Variants in CDH12 observed in about 807,000 individuals in gnomAD.
CDH12 encodes the protein cadherin 12, also known as cadherin-12.
A neutral mutation model predicts 74.1 loss-of-function variants in CDH12; 41 were observed. The observed-to-expected ratio is 0.55, with a 90% confidence interval of 0.43 to 0.72. CDH12 has a LOEUF of 0.72. Among genes scored for constraint, CDH12 ranks in the 30% least tolerant of loss-of-function variants. CDH12 has a pLI of 0.00. For missense variants in CDH12, 945 were observed against 977.2 expected, an observed-to-expected ratio of 0.97 and a Z score of 0.44; for synonymous variants, 399 against 355.0, an observed-to-expected ratio of 1.12 and a Z score of -1.39.
intron 6 of CDH12, among the ~76,000 whole-genome samples, chr5:21,955,249 G>T (rs903078971): frequency 2.6e-5 from 4 of 151,716 alleles, no homozygotes; most frequent in African/African-American, 9.7e-5. Flanking sequence ...GTGGAGCTAA[G>T]TTGGTCTTAA....
intron 1 of CDH12, among the ~76,000 whole-genome samples, chr5:22,756,402 C>T (rs921363684): frequency 5.3e-5 from 8 of 152,042 alleles, no homozygotes; most frequent in African/African-American, 1.7e-4. Context: ...TTCATATAAA[C>T]TTAATGGTTA....
intron 3 of CDH12, among the ~76,000 whole-genome samples, chr5:22,227,846 A>G (rs548159521): frequency 1.3e-5 from 2 of 152,230 alleles, no homozygotes; most frequent in African/African-American, 4.8e-5. Flanking sequence ...AGTAATTCCA[A>G]TGTGGCGACA....
intron 2 of CDH12, among the ~76,000 whole-genome samples, chr5:22,452,630 A>G (rs1023293572): frequency 2.6e-5 from 4 of 152,010 alleles, no homozygotes; most frequent in African/African-American, 7.2e-5. Context: ...AGAAGAAAAC[A>G]TGGGAGAAAT....
At chr5:22,258,866 G>A (rs1193053553) in intron 3 of CDH12, among the ~76,000 whole-genome samples, 1 of 152,066 alleles carries the variant, frequency 6.6e-6, no homozygotes, top group Non-Finnish European at 1.5e-5. Context: ...AGTACACTCT[G>A]CAATATTCAC....
At chr5:22,615,338 C>T (rs766287152) in intron 1 of CDH12, among the ~76,000 whole-genome samples, 3 of 151,846 alleles carry the variant, frequency 2.0e-5, no homozygotes, top group African/African-American at 7.3e-5. Flanking sequence ...ATTTTTTATT[C>T]TTTCCTTCTG....
At chr5:22,779,295 AAAAATATTTT>A in intron 1 of CDH12, among the ~76,000 whole-genome samples, 1 of 152,272 alleles carries the variant, frequency 6.6e-6, no homozygotes, top group South Asian at 2.1e-4. Context: ...GACATATGGG[AAAAATATTTT>A]CACTATAAAC....
chr5:21,824,989 A>G (rs1042506868), intron 8 of CDH12, among the ~76,000 whole-genome samples: 1 of 151,992 alleles, frequency 6.6e-6, no homozygotes, highest in African/African-American at 2.4e-5. Context: ...CTCCATCTCT[A>G]CCAAAAATAA....
intron 4 of CDH12, chr5:22,141,186 T>C (rs1052050746): frequency 1.3e-5 from 2 of 152,186 alleles, no homozygotes; most frequent in Admixed American, 6.6e-5. Context: ...CTATGGTGAA[T>C]TGATGTGCTG....
chr5:22,075,775 C>G (rs775682629), intron 5 of CDH12, among the ~76,000 whole-genome samples: 1 of 151,940 alleles, frequency 6.6e-6, no homozygotes, highest in Non-Finnish European at 1.5e-5. Context: ...TTCTCCTAAC[C>G]CCCCAAGTTG....
intron 2 of CDH12, among the ~76,000 whole-genome samples, chr5:22,469,114 A>G (rs1745856061): frequency 1.3e-5 from 2 of 152,200 alleles, no homozygotes; most frequent in Non-Finnish European, 2.9e-5. Context: ...ATCATCATCA[A>G]GAAGGTAGAC....
At chr5:22,636,312 C>A (rs1366714565) in intron 1 of CDH12, among the ~76,000 whole-genome samples, 1 of 152,068 alleles carries the variant, frequency 6.6e-6, no homozygotes, top group African/African-American at 2.4e-5. Flanking sequence ...ATTTTCACCC[C>A]TAAGTGTACA....
intron 1 of CDH12, among the ~76,000 whole-genome samples, chr5:22,561,378 A>C (rs2126749895): frequency 6.6e-6 from 1 of 152,308 alleles, no homozygotes; most frequent in South Asian, 2.1e-4. Flanking sequence ...AGTGGTGAAT[A>C]TTCTAACCTA....
At chr5:22,610,456 C>A (rs1360054221) in intron 1 of CDH12, among the ~76,000 whole-genome samples, 1 of 152,056 alleles carries the variant, frequency 6.6e-6, no homozygotes, top group Non-Finnish European at 1.5e-5. Flanking sequence ...TTAGATTCTG[C>A]AGATGTAGGA....
intron 1 of CDH12, among the ~76,000 whole-genome samples, chr5:22,847,880 C>A (rs916368740): frequency 7.6e-6 from 1 of 131,274 alleles, no homozygotes; most frequent in Non-Finnish European, 1.7e-5. Context: ...CTTTTTTTTT[C>A]TTTCTTTCTT....
intron 4 of CDH12, among the ~76,000 whole-genome samples, chr5:22,152,772 A>C (rs2150311055): frequency 6.6e-6 from 1 of 152,112 alleles, no homozygotes; most frequent in Admixed American, 6.5e-5. Context: ...TCCTCACCCT[A>C]CTCACTCCTC....
chr5:22,430,588 T>A (rs902329629), intron 2 of CDH12, among the ~76,000 whole-genome samples: 1 of 152,146 alleles, frequency 6.6e-6, no homozygotes, highest in Admixed American at 6.6e-5. Context: ...TTATTGAAAA[T>A]CAGCTGCAAG....
At chr5:22,204,162 G>GTTTTTTTTTTTTTTT (rs113456439) in intron 4 of CDH12, among the ~76,000 whole-genome samples, 2 of 129,842 alleles carry the variant, frequency 1.5e-5, no homozygotes, top group Non-Finnish European at 3.4e-5. Flanking sequence ...TGTTTTGTTT[G>GTTTTTTTTTTTTTTT]TTTTTTTTTT....
chr5:22,148,637 G>A (rs1747365010), intron 4 of CDH12, among the ~76,000 whole-genome samples: 1 of 152,142 alleles, frequency 6.6e-6, no homozygotes, highest in Non-Finnish European at 1.5e-5. Context: ...TCCTTCTGGA[G>A]CCTCTTAGGA....
At chr5:22,439,353 G>A (rs1325184622) in intron 2 of CDH12, among the ~76,000 whole-genome samples, 3 of 151,884 alleles carry the variant, frequency 2.0e-5, no homozygotes, top group Non-Finnish European at 4.4e-5. Flanking sequence ...AAATATTTCT[G>A]AAATGCAAAA....
Sources: gnomAD v4.1 joint callset for allele counts (sites outside exome capture counted in the v4.1 genomes callset) on GRCh38, gnomAD v4.1.1 for gene constraint, MANE v1.5 for transcripts, NCBI Gene and HGNC (gene_info 2026-07-23, HGNC 2026-07-21) for gene names.